RASEF: variants seen among roughly 807,000 people sequenced by gnomAD.
The protein encoded by RASEF is ras and EF-hand domain-containing protein.
In RASEF, 68 loss-of-function variants were observed where a neutral mutation model predicts 90.1. The ratio of observed to expected loss-of-function variants is 0.75; its 90% CI spans 0.62 to 0.92. The LOEUF (loss-of-function observed/expected upper bound fraction) is 0.92. Ranked by LOEUF, RASEF falls within the 40% of genes least tolerant of loss-of-function variation. RASEF has a pLI of 0.00. For missense variants in RASEF, 949 were observed against 937.2 expected (o/e 1.01, Z -0.16); for synonymous variants, 331 against 345.2 (o/e 0.96, Z 0.46).
At chr9:83,120,163 G>T in the RASEF span, among the ~76,000 whole-genome samples, 5 of 152,182 alleles carry the variant, frequency 3.3e-5, no homozygotes, top group Non-Finnish European at 5.9e-5. Context: ...CAGACCTAGG[G>T]GTTGGGCAGT....
At chr9:83,105,439 G>A in the RASEF span, among the ~76,000 whole-genome samples, 2,196 of 152,220 alleles carry the variant, frequency 0.014, 58 homozygotes, top group African/African-American at 0.049. Context: ...GGGTCACTGA[G>A]AATCGACACA....
chr9:83,149,763 T>C, the RASEF span, among the ~76,000 whole-genome samples: 1 of 152,200 alleles, frequency 6.6e-6, no homozygotes, highest in African/African-American at 2.4e-5. Context: ...CAGATTGTTT[T>C]TAACACCCCC....
At chr9:83,033,450 A>G (rs1011285130) in intron 1 of RASEF, among the ~76,000 whole-genome samples, 27 of 152,154 alleles carry the variant, frequency 1.8e-4, no homozygotes, top group African/African-American at 6.5e-4. Context: ...GGGGTGCAAT[A>G]GGGGGTGGTC....
chr9:83,039,015 T>A (rs1313872672), intron 1 of RASEF, among the ~76,000 whole-genome samples: 1 of 152,210 alleles, frequency 6.6e-6, no homozygotes. Flanking sequence ...CACATCACTG[T>A]TCTGGTTTTT....
chr9:82,980,186 A>T lies in RASEF; in HGVS notation c.*2491T>A, dbSNP rs1828573105. Reference sequence around the variant, plus strand: ...AATATCTTAAAGAAAAACAGGGACAAGGTGAATAACTTCCATAGTAATATG... The same window carrying T: ...AATATCTTAAAGAAAAACAGGGACATGGTGAATAACTTCCATAGTAATATG... On this transcript the variant is annotated 3_prime_UTR_variant, in exon 17 of 17. Transcript: ENST00000376447. 1 of 151,842 alleles carries T rather than the reference A, an allele frequency of 6.6e-6. No individual in the cohort carries two copies. Among genetic ancestry groups the T allele is most frequent in the Admixed American group, 6.6e-5 (1 of 15,210 alleles). The allele number at this position is 151,842 out of a possible 1,614,324, so 9.4% of individuals were successfully genotyped here. A position where few individuals can be genotyped will look rare whatever the true frequency, so the allele number is the denominator to read the frequency against.
the RASEF span, among the ~76,000 whole-genome samples, chr9:83,115,233 G>A: frequency 4.6e-5 from 7 of 152,052 alleles, no homozygotes; most frequent in African/African-American, 1.7e-4. Flanking sequence ...ATTGGGGGTT[G>A]GTTCCCCCAA....
chr9:83,186,568 CCTT>C, the RASEF span, among the ~76,000 whole-genome samples: 3 of 152,132 alleles, frequency 2.0e-5, no homozygotes, highest in Admixed American at 6.5e-5. Context: ...TCCAAGTACT[CCTT>C]CTGCCTGCTG....
chr9:83,002,519 T>C (rs1423494615), intron 9 of RASEF, among the ~76,000 whole-genome samples: 1 of 150,482 alleles, frequency 6.6e-6, no homozygotes, highest in Non-Finnish European at 1.5e-5. Context: ...TTAATATTTA[T>C]TTATTGTTAA....
rs1177604011 is a variant in RASEF at position 83,025,926 on chromosome 9, C to CAAAT, written c.432-9_432-6dup. On this transcript the variant is annotated splice_region_variant and splice_polypyrimidine_tract_variant and intron_variant, in intron 1 of 16. Coordinates refer to ENST00000376447, the MANE Select transcript of RASEF (RefSeq NM_152573.4). ...AAGGTACTAACTTGCTCTTCTCTGCCAAATAAATAAATAAAAATTAAACCA... is the reference window on the plus strand; with the variant it reads ...AAGGTACTAACTTGCTCTTCTCTGCCAAATAAATAAATAAATAAAAATTAAACCA... 1.9e-6 allele frequency: 3 copies of CAAAT among 1,552,804 alleles called. No homozygotes were observed. Among genetic ancestry groups the CAAAT allele is most frequent in the Non-Finnish European group, 2.6e-6 (3 of 1,154,436 alleles).
At chr9:83,178,387 T>G in the RASEF span, among the ~76,000 whole-genome samples, 2 of 152,026 alleles carry the variant, frequency 1.3e-5, no homozygotes, top group Non-Finnish European at 2.9e-5. Context: ...GTTTCACTAT[T>G]CCAGCCACTC....
At chr9:83,020,814 T>C (rs1247276677) in intron 3 of RASEF, among the ~76,000 whole-genome samples, 32 of 152,108 alleles carry the variant, frequency 2.1e-4, no homozygotes, top group Admixed American at 2.1e-3. Flanking sequence ...ACGTGCTTGA[T>C]AAGTGTTTGA....
the RASEF span, among the ~76,000 whole-genome samples, chr9:83,112,605 T>G: frequency 6.6e-6 from 1 of 151,974 alleles, no homozygotes; most frequent in African/African-American, 2.4e-5. Flanking sequence ...GAGAATCACT[T>G]GAACCCAGGA....
At chr9:83,029,776 G>A (rs1410510876) in intron 1 of RASEF, among the ~76,000 whole-genome samples, 1 of 151,992 alleles carries the variant, frequency 6.6e-6, no homozygotes, top group Non-Finnish European at 1.5e-5. Context: ...CAAAAGAATT[G>A]CTCAAGGAAA....
chr9:83,053,021 T>A (rs1452449015), intron 1 of RASEF, among the ~76,000 whole-genome samples: 2 of 96,560 alleles, frequency 2.1e-5, no homozygotes, highest in Non-Finnish European at 1.9e-5. Context: ...GTATATTCTG[T>A]TGATTTGGGG....
the RASEF span, among the ~76,000 whole-genome samples, chr9:83,117,882 T>C: frequency 1.3e-5 from 2 of 152,228 alleles, no homozygotes. Context: ...TTCTCTATGA[T>C]AAATGTGCTG....
chr9:83,080,496 A>T, the RASEF span, among the ~76,000 whole-genome samples: 2 of 152,200 alleles, frequency 1.3e-5, no homozygotes, highest in Non-Finnish European at 2.9e-5. Flanking sequence ...GATTTTGAAC[A>T]TTTCACATAA....
the RASEF span, among the ~76,000 whole-genome samples, chr9:83,076,060 C>T: frequency 6.6e-6 from 1 of 151,704 alleles, no homozygotes; most frequent in Non-Finnish European, 1.5e-5. Context: ...CCCAGCTACT[C>T]TGGAGGCTGA....
the RASEF span, among the ~76,000 whole-genome samples, chr9:83,203,735 GA>G: frequency 6.6e-6 from 1 of 152,150 alleles, no homozygotes. Context: ...TTAAGTAAGT[GA>G]GGAGCTGGCT....
At chr9:82,992,883 T>A (rs1319788203) in intron 15 of RASEF, 23 bp downstream of exon 15, 1 of 1,612,214 alleles carries the variant, frequency 6.2e-7, no homozygotes, top group Non-Finnish European at 8.5e-7. Flanking sequence ...TCTCTTCTAA[T>A]TCTGAGGCAT....
Sources: gnomAD v4.1 joint callset for allele counts (sites outside exome capture counted in the v4.1 genomes callset) on GRCh38, gnomAD v4.1.1 for gene constraint, MANE v1.5 for transcripts, NCBI Gene and HGNC (gene_info 2026-07-23, HGNC 2026-07-21) for gene names.